GK5: variants seen among roughly 807,000 people sequenced by gnomAD.
GK5 encodes the protein ATP:glycerol 3-phosphotransferase 5.
In GK5, 39 loss-of-function variants were observed where a neutral mutation model predicts 77.3. That is an observed-to-expected ratio of 0.50 (90% confidence interval 0.39 to 0.66). The LOEUF is 0.66. Among genes scored for constraint, GK5 ranks in the 30% least tolerant of loss-of-function variants. The pLI, the probability that GK5 is intolerant of heterozygous loss-of-function variation, is 0.00. For missense variants in GK5, 487 were observed against 633.8 expected, an observed-to-expected ratio of 0.77 and a Z score of 2.49; for synonymous variants, 211 against 208.0, an observed-to-expected ratio of 1.01 and a Z score of -0.13.
At chr3:142,204,847 T>C (rs1289767453) in intron 3 of GK5, 59 bp from the exon 4 acceptor site, 1 of 977,126 alleles carries the variant, frequency 1.0e-6, no homozygotes, top group Non-Finnish European at 1.6e-6. Context: ...ATGTTAAAGA[T>C]GTGCCATAAG....
chr3:142,209,877 C>T (rs1034118377), intron 3 of GK5, among the ~76,000 whole-genome samples: 9 of 152,048 alleles, frequency 5.9e-5, no homozygotes, highest in Non-Finnish European at 1.2e-4. Flanking sequence ...TGCTAATTGG[C>T]ACACACCCTG....
At chr3:142,170,531 T>C in intron 14 of GK5, 73 bp from the exon 15 acceptor site, 1 of 1,266,930 alleles carries the variant, frequency 7.9e-7, no homozygotes, top group Non-Finnish European at 1.1e-6. Flanking sequence ...GCCACATTTT[T>C]TTCCTGAAAT....
At chr3:142,205,322 C>A (rs939936020) in intron 3 of GK5, among the ~76,000 whole-genome samples, 9 of 152,126 alleles carry the variant, frequency 5.9e-5, no homozygotes, top group Admixed American at 5.9e-4. Flanking sequence ...AAAAAAAATC[C>A]TTTTTCCTTT....
chr3:142,173,039 C>CA (rs1002659505), intron 12 of GK5: 7 of 278,698 alleles, frequency 2.5e-5, no homozygotes, highest in African/African-American at 1.5e-4. Context: ...ACCACCTTTA[C>CA]AAAAAACTTT....
At chr3:142,189,884 C>T (rs1000487338) in intron 5 of GK5, among the ~76,000 whole-genome samples, 13 of 152,114 alleles carry the variant, frequency 8.5e-5, no homozygotes, top group African/African-American at 3.1e-4. Context: ...TGTTAAGGCT[C>T]TCAAATTCTA....
At chr3:142,184,260 C>CAAAAAAAAAAAAAAAA (rs1161704184) in intron 9 of GK5, among the ~76,000 whole-genome samples, 21 of 10,666 alleles carry the variant, frequency 2.0e-3, no homozygotes, top group South Asian at 4.3e-3. Context: ...GACTCTGTCT[C>CAAAAAAAAAAAAAAAA]AAAAAAAAAA....
At chr3:142,180,696 G>A (rs2063684778) in intron 11 of GK5, among the ~76,000 whole-genome samples, 1 of 151,838 alleles carries the variant, frequency 6.6e-6, no homozygotes. Flanking sequence ...TTGCCACTAA[G>A]CTAGGGAGGT....
chr3:142,170,596 C>T, intron 14 of GK5, 138 bp from the exon 15 acceptor site: 1 of 692,312 alleles, frequency 1.4e-6, no homozygotes, highest in Non-Finnish European at 2.3e-6. Flanking sequence ...AATCACTTAG[C>T]ATTAACCTAA....
rs879579205 is a variant in GK5, at chr3:142,204,876, C to T, written c.318-88G>A. The T allele has an allele frequency of 2.1e-5, 15 of 704,344 alleles. No homozygotes were observed. The East Asian group carries it at 2.3e-4, about 11-fold the overall frequency. 43.6% of individuals were successfully genotyped at this position (704,344 alleles called of 1,614,324 possible). A position where few individuals can be genotyped will look rare whatever the true frequency, so the allele number is the denominator to read the frequency against. Reference sequence around the variant, plus strand: ...CCATAAGAGAAAACAAAATTAGAGGCCATACTGTAATTGCAAAGTATAATT... The same window carrying T: ...CCATAAGAGAAAACAAAATTAGAGGTCATACTGTAATTGCAAAGTATAATT... On this transcript the variant is annotated intron_variant, in intron 3 of 15. Transcript: ENST00000392993.
At chr3:142,190,054 C>T (rs1170821060) in intron 5 of GK5, among the ~76,000 whole-genome samples, 4 of 151,896 alleles carry the variant, frequency 2.6e-5, no homozygotes, top group Non-Finnish European at 4.4e-5. Context: ...AATTCACAGT[C>T]GTGGACTTTA....
chr3:142,198,617 A>C (rs1342491906), intron 5 of GK5, among the ~76,000 whole-genome samples, 185 bp downstream of exon 5: 1 of 152,240 alleles, frequency 6.6e-6, no homozygotes, highest in Non-Finnish European at 1.5e-5. Flanking sequence ...TCTGTCTCAA[A>C]AAGAAAAGCA....
At chr3:142,167,969 G>A (rs918340460) in intron 15 of GK5, among the ~76,000 whole-genome samples, 6 of 152,034 alleles carry the variant, frequency 3.9e-5, no homozygotes, top group African/African-American at 1.2e-4. Flanking sequence ...CTGAGATTGC[G>A]CCATTGCACT....
intron 5 of GK5, among the ~76,000 whole-genome samples, chr3:142,194,526 G>GAA (rs1422654922): frequency 4.6e-5 from 6 of 129,542 alleles, no homozygotes; most frequent in Non-Finnish European, 6.6e-5. Context: ...ACTCCATCTC[G>GAA]AAAAAAAAAA....
At chr3:142,184,122 G>A (rs539041912) in intron 9 of GK5, among the ~76,000 whole-genome samples, 136 of 151,362 alleles carry the variant, frequency 9.0e-4, no homozygotes, top group Admixed American at 3.6e-3. Flanking sequence ...TTAGCCAGGC[G>A]TGGTGGCAGG....
Position 142,185,192 on chromosome 3 carries a change from G to A in GK5, c.816+737C>T, listed in dbSNP as rs991061776. ...CTTTGGGAGGCAAAGGTGGCAGAAG[G>A]CCCCAGTCTAGGAGTTCGAGATCAG... On this transcript the variant is annotated intron_variant, in intron 9 of 15. Coordinates refer to ENST00000392993, the MANE Select transcript of GK5 (RefSeq NM_001039547.3). The A allele has an allele frequency of 7.3e-5, 58 of 798,542 alleles. No individual in the cohort carries two copies. In the African/African-American group the frequency reaches 1.1e-3, roughly 15 times the overall value. 49.5% of individuals were successfully genotyped at this position (798,542 alleles called of 1,614,324 possible).
At chr3:142,209,206 G>A (rs1039689503) in intron 3 of GK5, among the ~76,000 whole-genome samples, 2 of 152,082 alleles carry the variant, frequency 1.3e-5, no homozygotes, top group African/African-American at 2.4e-5. Flanking sequence ...GATGGCCCCT[G>A]TGTGGTGGTC....
intron 14 of GK5, 30 bp from the exon 15 acceptor site, chr3:142,170,488 T>G: frequency 6.4e-7 from 1 of 1,563,612 alleles, no homozygotes; most frequent in Non-Finnish European, 8.7e-7. Flanking sequence ...TAAGATGAAT[T>G]ACTACAACAA....
Position 142,164,870 on chromosome 3 carries a change from G to A in GK5, c.*752C>T, listed in dbSNP as rs1476346082. ...TCAGCCAGAAGTTTTTGAAAGAAAC[G>A]TTATTTGAGAAGGAAAATAAGTAGT... On this transcript the variant is annotated 3_prime_UTR_variant, in exon 16 of 16. Coordinates refer to ENST00000392993, the MANE Select transcript of GK5 (RefSeq NM_001039547.3). 2 of 152,196 alleles carry A rather than the reference G, an allele frequency of 1.3e-5. No homozygotes were observed. The highest frequency in any genetic ancestry group is 2.4e-5 in the African/African-American group (1 of 41,444). 9.4% of individuals were successfully genotyped at this position (152,196 alleles called of 1,614,324 possible). A position where few individuals can be genotyped will look rare whatever the true frequency, so the allele number is the denominator to read the frequency against.
At chr3:142,200,579 A>C (rs2107788890) in intron 4 of GK5, among the ~76,000 whole-genome samples, 1 of 152,336 alleles carries the variant, frequency 6.6e-6, no homozygotes, top group African/African-American at 2.4e-5. Flanking sequence ...GATTTGTTAT[A>C]AGAAATAATT....
Sources: allele counts gnomAD v4.1 joint callset (sites outside exome capture counted in the v4.1 genomes callset), GRCh38; gene constraint gnomAD v4.1.1; transcripts MANE v1.5; gene names NCBI Gene and HGNC (gene_info 2026-07-23, HGNC 2026-07-21).